FER: variants seen among roughly 807,000 people sequenced by gnomAD.
FER encodes the protein tyrosine-protein kinase Fer.
In FER, 63 loss-of-function variants were observed where a neutral mutation model predicts 111.0. That is an observed-to-expected ratio of 0.57 (90% CI 0.46 to 0.70). FER has a LOEUF of 0.70. Among genes scored for constraint, FER ranks in the 30% least tolerant of loss-of-function variants. The pLI, the probability that FER is intolerant of heterozygous loss-of-function variation, is 0.00. For synonymous variants in FER, 327 were observed against 313.9 expected (o/e 1.04, Z -0.44); for missense variants, 914 against 954.0 (o/e 0.96, Z 0.55).
chr5:108,869,694 A>T (rs981432781), intron 6 of FER, among the ~76,000 whole-genome samples: 17 of 152,120 alleles, frequency 1.1e-4, no homozygotes, highest in African/African-American at 3.4e-4. Context: ...TCTGTTTTAC[A>T]TACAAATATT....
chr5:108,936,280 C>T (rs1475876912), intron 10 of FER, among the ~76,000 whole-genome samples: 1 of 151,880 alleles, frequency 6.6e-6, no homozygotes, highest in Non-Finnish European at 1.5e-5. Flanking sequence ...ATAACAGTGG[C>T]TATTATTTTA....
chr5:108,857,674 A>G (rs574308907), intron 5 of FER, among the ~76,000 whole-genome samples: 1 of 152,240 alleles, frequency 6.6e-6, no homozygotes, highest in South Asian at 2.1e-4. Flanking sequence ...TTCCTTTTAC[A>G]TTTATTAATT....
In FER at chr5:109,123,515, T is replaced by A. The variant is rs535104726; in HGVS notation, c.2048+22996T>A. On this transcript the variant is annotated intron_variant, in intron 17 of 19. Transcript: ENST00000281092. The stretch of plus-strand genomic sequence containing the variant: ...CTTTTTTCTGGTGCTATATTTTAAT[T>A]TCTTGCTTTTTATTTTTTTGTATAT... Among the ~76,000 whole-genome samples, 3 of 152,190 alleles carry A rather than the reference T, an allele frequency of 2.0e-5. No individual in the cohort carries two copies. The East Asian group carries it at 5.8e-4, about 29-fold the overall frequency.
intron 1 of FER, among the ~76,000 whole-genome samples, chr5:108,766,008 C>T (rs1752281082): frequency 1.3e-5 from 2 of 151,776 alleles, no homozygotes; most frequent in African/African-American, 2.4e-5. Flanking sequence ...TTGTTCACTG[C>T]AACCTCAAAT....
At chr5:108,789,697 G>T (rs778302340) in intron 2 of FER, among the ~76,000 whole-genome samples, 4 of 151,760 alleles carry the variant, frequency 2.6e-5, no homozygotes, top group Non-Finnish European at 5.9e-5. Context: ...CCGCTTCCCA[G>T]GTTCAAGTGA....
intron 17 of FER, among the ~76,000 whole-genome samples, chr5:109,125,289 A>C (rs927014417): frequency 6.6e-6 from 1 of 152,146 alleles, no homozygotes; most frequent in African/African-American, 2.4e-5. Context: ...GTGAGTTCCA[A>C]CAGTTTTGTG....
chr5:108,764,094 A>G (rs1285194020), intron 1 of FER, among the ~76,000 whole-genome samples: 3 of 152,182 alleles, frequency 2.0e-5, no homozygotes, highest in African/African-American at 7.2e-5. Flanking sequence ...TTCCTACCCC[A>G]GAAACATTAG....
chr5:109,036,650 CT>C (rs1770445217), intron 13 of FER, among the ~76,000 whole-genome samples: 1 of 151,922 alleles, frequency 6.6e-6, no homozygotes, highest in African/African-American at 2.4e-5. Flanking sequence ...CCCTTCCTCT[CT>C]TTCTTTCCTT....
chr5:108,780,133 T>C (rs934295902), intron 2 of FER, among the ~76,000 whole-genome samples: 16 of 152,176 alleles, frequency 1.1e-4, no homozygotes, highest in African/African-American at 2.9e-4. Context: ...GTTAGATCAA[T>C]TGAGAGTAAG....
chr5:109,168,805 A>G (rs998106822), intron 17 of FER, among the ~76,000 whole-genome samples: 3 of 152,194 alleles, frequency 2.0e-5, no homozygotes, highest in Admixed American at 6.6e-5. Context: ...ACTTGCCTAC[A>G]TTGCTGTACA....
At chr5:108,844,093 C>CACATATGTGTGTGTGAACACAT (rs1554076440) in intron 5 of FER, among the ~76,000 whole-genome samples, 11 of 96,878 alleles carry the variant, frequency 1.1e-4, no homozygotes, top group African/African-American at 4.5e-4. Context: ...TGCGTGTGAA[C>CACATATGTGTGTGTGAACACAT]ATATGTGTGT....
In FER at chr5:109,187,468, G is replaced by C; in HGVS notation, c.2362G>C (p.Asp788His). The C allele has an allele frequency of 6.2e-7, 1 of 1,614,024 alleles. No homozygotes were observed. ...RMSAPQHCPEDISKIMMKCWD... is the reference protein window; with the variant it reads ...RMSAPQHCPEHISKIMMKCWD... The stretch of plus-strand genomic sequence containing the variant: ...GTCAGCTCCCCAGCACTGTCCAGAG[G>C]ATATTTCCAAAATCATGATGAAGTG... The change falls in exon 20 of 20, where the codon GAT (aspartate) becomes CAT (histidine). Residue 788 changes from aspartate (D) to histidine (H), a missense_variant. This residue lies in a region of FER where 134 missense variants were observed against 149.4 expected (regional missense o/e 0.90). Transcript: ENST00000281092.
chr5:109,146,211 T>TTATATATATATTATCTATCTA (rs1561953380), intron 17 of FER, among the ~76,000 whole-genome samples: 3 of 103,926 alleles, frequency 2.9e-5, no homozygotes, highest in Admixed American at 9.3e-5. Flanking sequence ...CTATCTATTT[T>TTATATATATATTATCTATCTA]ATATATATAT....
intron 13 of FER, among the ~76,000 whole-genome samples, chr5:109,036,612 TC>T (rs1454372935): frequency 6.6e-6 from 1 of 152,004 alleles, no homozygotes; most frequent in Admixed American, 6.6e-5. Context: ...CTCCAACTCT[TC>T]CTTCCTACTC....
intron 1 of FER, among the ~76,000 whole-genome samples, chr5:108,764,014 G>C (rs1471702212): frequency 6.6e-6 from 1 of 152,066 alleles, no homozygotes; most frequent in Admixed American, 6.6e-5. Context: ...TGTTCAATTT[G>C]GGTAACATAC....
intron 5 of FER, among the ~76,000 whole-genome samples, chr5:108,865,331 T>C (rs1763932189): frequency 1.3e-5 from 2 of 152,140 alleles, no homozygotes; most frequent in Admixed American, 6.6e-5. Context: ...CTTTTCCTAA[T>C]TGAATACCCT....
At chr5:108,898,176 G>A (rs1352338180) in intron 10 of FER, among the ~76,000 whole-genome samples, 2 of 152,048 alleles carry the variant, frequency 1.3e-5, no homozygotes, top group Non-Finnish European at 2.9e-5. Context: ...TAAGAAGAAA[G>A]CTATTTATTG....
chr5:109,047,161 AAGAC>A lies in FER; in HGVS notation c.1890_1893del (p.Arg630SerfsTer19). 1 of 1,608,952 alleles carries A rather than the reference AAGAC, an allele frequency of 6.2e-7. No homozygotes were observed. The highest frequency in any genetic ancestry group is 2.3e-5 in the East Asian group (1 of 44,432). On this transcript the variant is annotated frameshift_variant, in exon 16 of 20. Coordinates refer to ENST00000281092, the MANE Select transcript of FER (RefSeq NM_005246.4). LOFTEE classifies it high-confidence loss of function. ...TCAAACTTATAGGAGTTTGCACACA[AAGAC>A]AGCCTGTCTACATCATTATGGAACT...
intron 7 of FER, 79 bp from the exon 8 acceptor site, chr5:108,872,014 A>G (rs1354792422): frequency 7.4e-7 from 1 of 1,347,046 alleles, no homozygotes; most frequent in African/African-American, 1.5e-5. Flanking sequence ...AAAAACAAAT[A>G]TTCTGCCTTT....
Sources: gnomAD v4.1 joint callset for allele counts (sites outside exome capture counted in the v4.1 genomes callset) on GRCh38, gnomAD v4.1.1 for gene constraint, gnomAD v4.1.1 regional missense constraint, MANE v1.5 for transcripts, NCBI Gene and HGNC (gene_info 2026-07-23, HGNC 2026-07-21) for gene names.